The following ABCB5 variants were observed in gnomAD, a reference collection of about 807,000 sequenced individuals.
The protein encoded by ABCB5 is ATP binding cassette subfamily B member 5, also known as ATP-binding cassette sub-family B member 5.
A neutral mutation model predicts 144.2 loss-of-function variants in ABCB5; 155 were observed. The observed-to-expected ratio is 1.08, with a 90% CI of 0.94 to 1.23. The LOEUF is 1.23. Ranked by LOEUF, ABCB5 falls within the 50% of genes most tolerant of loss-of-function variation. The pLI is 0.00. For synonymous variants in ABCB5, 610 were observed against 528.6 expected, an observed-to-expected ratio of 1.15 and a Z score of -2.11; for missense variants, 1,830 against 1,520.8, an observed-to-expected ratio of 1.20 and a Z score of -3.38.
intron 9 of ABCB5, 142 bp downstream of exon 9, chr7:20,646,280 A>G: frequency 2.5e-6 from 2 of 799,388 alleles, no homozygotes; most frequent in Non-Finnish European, 3.8e-6. Flanking sequence ...TTATCTGTAT[A>G]CACCTTTAAA....
At chr7:20,717,411 C>T (rs769359765) in intron 20 of ABCB5, among the ~76,000 whole-genome samples, 26 of 151,182 alleles carry the variant, frequency 1.7e-4, no homozygotes, top group Admixed American at 2.6e-4. Context: ...TCTGTGTATG[C>T]AGTGTCTGCT....
chr7:20,643,134 A>C (rs777133464), intron 5 of ABCB5, 50 bp from the exon 6 acceptor site: 1 of 1,471,680 alleles, frequency 6.8e-7, no homozygotes, highest in Non-Finnish European at 9.3e-7. Context: ...TGTGTGTAAC[A>C]AGATAAAAAT....
chr7:20,698,696 A>G, intron 17 of ABCB5, 146 bp downstream of exon 17: 1 of 682,870 alleles, frequency 1.5e-6, no homozygotes, highest in South Asian at 2.8e-5. Context: ...TAGGAAGGTT[A>G]ATTAATGTTC....
intron 14 of ABCB5, among the ~76,000 whole-genome samples, chr7:20,668,729 TC>T (rs1433674065): frequency 3.7e-5 from 5 of 136,490 alleles, no homozygotes; most frequent in African/African-American, 1.5e-4. Flanking sequence ...GGTGGGGGGG[TC>T]AGCCCCCCGC....
chr7:20,727,279 A>G (rs948744676), intron 22 of ABCB5, 139 bp downstream of exon 22: 5 of 537,252 alleles, frequency 9.3e-6, no homozygotes, highest in Non-Finnish European at 1.6e-5. Context: ...AATTTCTCAT[A>G]TGACTTCACC....
chr7:20,638,730 C>T (rs1230642838), intron 5 of ABCB5, among the ~76,000 whole-genome samples: 2 of 152,134 alleles, frequency 1.3e-5, no homozygotes, highest in Non-Finnish European at 2.9e-5. Flanking sequence ...CATTGCAAGG[C>T]TGTATCACAT....
At chr7:20,687,984 G>C (rs752717471) in intron 16 of ABCB5, among the ~76,000 whole-genome samples, 4 of 152,100 alleles carry the variant, frequency 2.6e-5, no homozygotes, top group African/African-American at 4.8e-5. Context: ...TCGAGGTCAG[G>C]AGTTCAACAC....
In ABCB5 at chr7:20,669,839, C is replaced by T. The variant is rs148094094; in HGVS notation, c.1707+11163C>T. On this transcript the variant is annotated intron_variant, in intron 14 of 27. Transcript: ENST00000404938. ...CTAGGTGCCTGAGTGTTTTTGCCTTCGCGGTTGTCAGGTTTCTAATACATA... is the reference window on the plus strand; with the variant it reads ...CTAGGTGCCTGAGTGTTTTTGCCTTTGCGGTTGTCAGGTTTCTAATACATA... 2.4e-4 allele frequency among the ~76,000 whole-genome samples: 36 copies of T among 150,002 alleles called. No homozygotes were observed. The East Asian group carries it at 5.8e-3, about 24-fold the overall frequency.
chr7:20,742,330 C>T (rs980570325), intron 24 of ABCB5, among the ~76,000 whole-genome samples: 2 of 152,182 alleles, frequency 1.3e-5, no homozygotes, highest in African/African-American at 4.8e-5. Context: ...GCCGAGATCA[C>T]ACCACTGCCT....
chr7:20,659,318 T>C, intron 14 of ABCB5: 1 of 1,410,556 alleles, frequency 7.1e-7, no homozygotes, highest in Admixed American at 2.8e-5. Context: ...GACTCCCTTA[T>C]AAACCAGAGC....
intron 16 of ABCB5, among the ~76,000 whole-genome samples, chr7:20,686,253 C>T (rs1039881830): frequency 4.6e-5 from 7 of 152,182 alleles, no homozygotes; most frequent in African/African-American, 1.7e-4. Context: ...CTTGCAGTCC[C>T]AGGGCACAAC....
intron 14 of ABCB5, among the ~76,000 whole-genome samples, chr7:20,661,890 G>A (rs1344990094): frequency 1.3e-5 from 2 of 152,032 alleles, no homozygotes; most frequent in Admixed American, 6.6e-5. Context: ...AACTAGTTTT[G>A]TTTCACTAAT....
intron 26 of ABCB5, among the ~76,000 whole-genome samples, chr7:20,749,137 T>TCTCC (rs1469979136): frequency 1.5e-5 from 2 of 133,422 alleles, no homozygotes; most frequent in Non-Finnish European, 3.5e-5. Flanking sequence ...TTCCCTTTCT[T>TCTCC]TTCCTCCCTC....
chr7:20,618,964 G>T (rs560263965), intron 1 of ABCB5, among the ~76,000 whole-genome samples: 1 of 151,424 alleles, frequency 6.6e-6, no homozygotes, highest in East Asian at 1.9e-4. Flanking sequence ...TAGTGGAGAC[G>T]GGGTTTCACC....
intron 16 of ABCB5, among the ~76,000 whole-genome samples, chr7:20,691,526 C>T (rs1178494258): frequency 6.6e-6 from 1 of 151,796 alleles, no homozygotes. Context: ...AGAAGTCACA[C>T]AGGGCCAGGA....
Position 20,647,769 on chromosome 7 carries a change from T to A in ABCB5, c.1095+121T>A, listed in dbSNP as rs190749390. 5.0e-5 allele frequency: 72 copies of A among 1,432,102 alleles called. No individual in the cohort carries two copies. In the African/African-American group the frequency reaches 1.0e-3, roughly 20 times the overall value. The allele number at this position is 1,432,102 out of a possible 1,614,324, so 88.7% of individuals were successfully genotyped here. A position where few individuals can be genotyped will look rare whatever the true frequency, so the allele number is the denominator to read the frequency against. Reference sequence around the variant, plus strand: ...ACAAATTTAATGTTGGCCAGTTGTTTATGGGAAAGAGAGACTGCCTTTAAT... The same window carrying A: ...ACAAATTTAATGTTGGCCAGTTGTTAATGGGAAAGAGAGACTGCCTTTAAT... On this transcript the variant is annotated intron_variant, in intron 10 of 27. Transcript: ENST00000404938.
rs1369270061 is a variant in ABCB5 at position 20,643,143 on chromosome 7, A to G, written c.315-41A>G. The stretch of plus-strand genomic sequence containing the variant: ...TTTTTATGTGTGTAACAAGATAAAA[A>G]TGTTGTGCTTCAGTCTCACATTCTA... On this transcript the variant is annotated intron_variant, in intron 5 of 27. Coordinates refer to ENST00000404938, the MANE Select transcript of ABCB5 (RefSeq NM_001163941.2). 10 of 1,513,724 alleles carry G rather than the reference A, an allele frequency of 6.6e-6. No individual in the cohort carries two copies. The East Asian group carries it at 6.9e-5, about 11-fold the overall frequency. The allele number at this position is 1,513,724 out of a possible 1,614,324, so 93.8% of individuals were successfully genotyped here. A position where few individuals can be genotyped will look rare whatever the true frequency, so the allele number is the denominator to read the frequency against.
chr7:20,653,647 T>C (rs1057340493), intron 13 of ABCB5, among the ~76,000 whole-genome samples: 13 of 152,240 alleles, frequency 8.5e-5, no homozygotes, highest in African/African-American at 3.1e-4. Context: ...AACACTGAGC[T>C]GAAAGGCAAA....
intron 1 of ABCB5, among the ~76,000 whole-genome samples, chr7:20,616,869 T>G (rs530801229): frequency 6.6e-6 from 1 of 152,370 alleles, no homozygotes; most frequent in Admixed American, 6.5e-5. Context: ...CAAATTGCTT[T>G]GACCTTGTGT....
Sources: allele counts gnomAD v4.1 joint callset (sites outside exome capture counted in the v4.1 genomes callset), GRCh38; gene constraint gnomAD v4.1.1; transcripts MANE v1.5; gene names NCBI Gene and HGNC (gene_info 2026-07-23, HGNC 2026-07-21).